Variants in MTTP observed in about 807,000 individuals in gnomAD.
MTTP encodes microsomal triglyceride transfer protein.
MTTP carries 49 observed loss-of-function variants against 90.6 expected under a neutral mutation model. The observed-to-expected ratio is 0.54, with a 90% confidence interval of 0.43 to 0.69. The LOEUF (loss-of-function observed/expected upper bound fraction) is 0.69, where lower values mean the gene tolerates loss of function less well. Among genes scored for constraint, MTTP ranks in the 30% least tolerant of loss-of-function variants. MTTP has a pLI of 0.00. For missense variants in MTTP, 945 were observed against 1,067.5 expected (o/e 0.89, Z 1.60); for synonymous variants, 347 against 384.2 (o/e 0.90, Z 1.13).
rs753482216 is a variant in MTTP, at chr4:99,611,130, T to G, written c.1770-13T>G. On this transcript the variant is annotated splice_polypyrimidine_tract_variant and intron_variant, in intron 12 of 17. Transcript: ENST00000265517. Reference sequence around the variant, plus strand: ...AATGAATGTGCAGCTTTTTTTTTCCTCATATGTTGCAGCAAAATTGTCCGT... The same window carrying G: ...AATGAATGTGCAGCTTTTTTTTTCCGCATATGTTGCAGCAAAATTGTCCGT... 3 of 1,610,398 alleles carry G rather than the reference T, an allele frequency of 1.9e-6. No individual in the cohort carries two copies. The African/African-American group carries it at 4.0e-5, about 22-fold the overall frequency.
chr4:99,596,851 A>G (rs1725564901), intron 7 of MTTP, among the ~76,000 whole-genome samples: 1 of 152,174 alleles, frequency 6.6e-6, no homozygotes, highest in African/African-American at 2.4e-5. Context: ...ATGAATAGAC[A>G]AAAACAGTCC....
chr4:99,589,440 G>C (rs1447612800), intron 3 of MTTP, among the ~76,000 whole-genome samples: 1 of 151,734 alleles, frequency 6.6e-6, no homozygotes. Flanking sequence ...CTTCATTATC[G>C]GTCTCCCTAA....
chr4:99,596,924 C>T lies in MTTP; in HGVS notation c.910-143C>T, dbSNP rs943460781. On this transcript the variant is annotated intron_variant, in intron 7 of 17. Transcript: ENST00000265517. ...CCAGGGGTATGATATGGGCAGGGAA[C>T]TGTCATGTGTATTGAGGTAAGGTAC... 5 of 964,650 alleles carry T rather than the reference C, an allele frequency of 5.2e-6. No homozygotes were observed. The East Asian group carries it at 9.8e-5, about 19-fold the overall frequency. 59.8% of individuals were successfully genotyped at this position (964,650 alleles called of 1,614,324 possible).
chr4:99,590,383 C>T (rs539979604), intron 4 of MTTP, among the ~76,000 whole-genome samples: 1 of 152,292 alleles, frequency 6.6e-6, no homozygotes, highest in African/African-American at 2.4e-5. Flanking sequence ...AGCCACCGCG[C>T]TTGGTCAAAC....
At chr4:99,575,931 G>A (rs1303662065) in intron 1 of MTTP, among the ~76,000 whole-genome samples, 1 of 152,120 alleles carries the variant, frequency 6.6e-6, no homozygotes, top group Non-Finnish European at 1.5e-5. Context: ...GATAAATGTG[G>A]CTTTTGATAT....
chr4:99,570,077 A>T (rs571287497), upstream of MTTP, among the ~76,000 whole-genome samples: 47 of 151,852 alleles, frequency 3.1e-4, 1 homozygote, highest in South Asian at 9.3e-3. Flanking sequence ...ATTAAGAGCC[A>T]GTGTGTTTCT....
At chr4:99,586,504 G>C (rs3805336) in intron 3 of MTTP, among the ~76,000 whole-genome samples, 12,417 of 152,044 alleles carry the variant, frequency 0.082, 878 homozygotes, top group East Asian at 0.19. Flanking sequence ...CTCTAAATCA[G>C]CATGGCTCTT....
At position 99,583,427 on chromosome 4, in the gene MTTP, C is replaced by T. The variant is rs775879111; in HGVS notation, c.303C>T (p.Ile101=). ...ATCAGCAGAGAGGAGAGAAGAGCAT[C>T]TTCAAAGGAAAAAGCCCATCTAAAA... is the stretch of plus-strand genomic sequence containing the variant. ...NVNQQRGEKS[I]FKGKSPSKIM... Residue 101 remains isoleucine (I), a synonymous_variant, in exon 3 of 18, where the codon ATC becomes ATT. Coordinates refer to ENST00000265517, the MANE Select transcript of MTTP (RefSeq NM_001386140.1). 4 of 1,613,442 alleles carry T rather than the reference C, an allele frequency of 2.5e-6. No individual in the cohort carries two copies. The South Asian group carries it at 3.3e-5, about 13-fold the overall frequency.
chr4:99,597,232 C>T lies in MTTP; in HGVS notation c.1067+8C>T. On this transcript the variant is annotated splice_region_variant and intron_variant, in intron 8 of 17. Transcript: ENST00000265517. ...GGAAAATAAGGAAGTATTGTAAGTT[C>T]CCCAACCTTTGTGTGGGGTTGTCTG... The T allele has an allele frequency of 1.2e-6, 2 of 1,612,200 alleles. No homozygotes were observed. The highest frequency in any genetic ancestry group is 2.2e-5 in the South Asian group (2 of 90,956).
rs773683759 is a variant in MTTP, at chr4:99,594,740, T to C, written c.766T>C (p.Leu256=). The part of the protein sequence containing the change: ...IKGKIVSKQK[L]ELKTTEAGPR... ...CCCTTTGGTATTATGCAGGCAGAAA[T>C]TAGAGCTGAAGACAACCGAAGCAGG... The change falls in exon 7 of 18, where the codon TTA becomes CTA. Residue 256 remains leucine, a synonymous_variant. Transcript: ENST00000265517. 1.2e-6 allele frequency: 2 copies of C among 1,613,920 alleles called. No individual in the cohort carries two copies. Among genetic ancestry groups the C allele is most frequent in the Non-Finnish European group, 8.5e-7 (1 of 1,179,868 alleles).
intron 16 of MTTP, among the ~76,000 whole-genome samples, chr4:99,620,496 C>T (rs1412592063): frequency 6.6e-6 from 1 of 152,206 alleles, no homozygotes; most frequent in African/African-American, 2.4e-5. Flanking sequence ...CTCCTAGGAC[C>T]TACTGTACAT....
chr4:99,599,564 T>C (rs1454259773), intron 8 of MTTP, among the ~76,000 whole-genome samples: 1 of 152,202 alleles, frequency 6.6e-6, no homozygotes, highest in Non-Finnish European at 1.5e-5. Flanking sequence ...TATTTATCAA[T>C]CACTTACTAT....
chr4:99,582,629 G>A (rs1460034991), intron 2 of MTTP, among the ~76,000 whole-genome samples: 1 of 152,130 alleles, frequency 6.6e-6, no homozygotes, highest in African/African-American at 2.4e-5. Flanking sequence ...AAATTAGTTG[G>A]TCTCTGGGGA....
exon 1 of MTTP, chr4:99,564,196 TTAAG>T: frequency 2.0e-6 from 3 of 1,535,614 alleles, no homozygotes; most frequent in Admixed American, 2.0e-5. Context: ...CGTTCAAGAA[TTAAG>T]TGTGTACCTG....
rs569660362 is a variant in MTTP at position 99,611,583 on chromosome 4, C to T, written c.1989+130C>T. 2,221 of 1,301,250 alleles carry T rather than the reference C, an allele frequency of 1.7e-3. 4 individuals carry two copies. Among genetic ancestry groups the T allele is most frequent in the Non-Finnish European group, 2.1e-3 (1,901 of 917,088 alleles). The allele number at this position is 1,301,250 out of a possible 1,614,324, so 80.6% of individuals were successfully genotyped here. A position where few individuals can be genotyped will look rare whatever the true frequency, so the allele number is the denominator to read the frequency against. On this transcript the variant is annotated intron_variant, in intron 14 of 17. Coordinates refer to ENST00000265517, the MANE Select transcript of MTTP (RefSeq NM_001386140.1). Reference sequence around the variant, plus strand: ...AATGGTGGCTTCTGTCATATTTTGCCCATGATTTCCTTATCTGTAAGAGGC... The same window carrying T: ...AATGGTGGCTTCTGTCATATTTTGCTCATGATTTCCTTATCTGTAAGAGGC...
At chr4:99,595,019 GTC>G in intron 7 of MTTP, 136 bp downstream of exon 7, 1 of 971,706 alleles carries the variant, frequency 1.0e-6, no homozygotes, top group Non-Finnish European at 1.6e-6. Context: ...GATGACAGCA[GTC>G]TCACAATATG....
intron 3 of MTTP, among the ~76,000 whole-genome samples, chr4:99,588,137 A>G (rs1338477797): frequency 6.7e-6 from 1 of 149,854 alleles, no homozygotes; most frequent in African/African-American, 2.4e-5. Flanking sequence ...ATTCAGGAAA[A>G]GTATTCTCTT....
intron 15 of MTTP, among the ~76,000 whole-genome samples, chr4:99,617,726 T>A (rs575110474): frequency 1.1e-4 from 16 of 151,520 alleles, no homozygotes; most frequent in Non-Finnish European, 4.4e-5. Context: ...GAAAAAAAAA[T>A]GCAAGACTTA....
chr4:99,619,811 G>A (rs1726185599), intron 16 of MTTP, among the ~76,000 whole-genome samples: 1 of 152,198 alleles, frequency 6.6e-6, no homozygotes, highest in African/African-American at 2.4e-5. Context: ...TCAAACAGTA[G>A]CACATTTAAT....
Sources: allele counts gnomAD v4.1 joint callset (sites outside exome capture counted in the v4.1 genomes callset), GRCh38; gene constraint gnomAD v4.1.1; transcripts MANE v1.5; gene names NCBI Gene and HGNC (gene_info 2026-07-23, HGNC 2026-07-21).